The following MYOF variants were observed in gnomAD, a reference collection of about 807,000 sequenced individuals.
The protein encoded by MYOF is myoferlin.
A neutral mutation model predicts 284.2 loss-of-function variants in MYOF; 244 were observed. The ratio of observed to expected loss-of-function variants is 0.86; its 90% CI spans 0.77 to 0.95. The LOEUF is 0.95. Among genes scored for constraint, MYOF ranks in the 40% least tolerant of loss-of-function variants. MYOF has a pLI of 0.00. For missense variants in MYOF, 2,496 were observed against 2,560.6 expected (o/e 0.97, Z 0.54); for synonymous variants, 904 against 919.7 (o/e 0.98, Z 0.31).
At chr10:93,401,575 T>G in intron 11 of MYOF, 31 bp from the exon 12 acceptor site, 1 of 1,607,756 alleles carries the variant, frequency 6.2e-7, no homozygotes, top group Non-Finnish European at 8.5e-7. Flanking sequence ...AAATTATACA[T>G]ACAGAAAAGC....
intron 39 of MYOF, among the ~76,000 whole-genome samples, chr10:93,338,626 T>A (rs1028066250): frequency 2.0e-5 from 3 of 152,150 alleles, no homozygotes; most frequent in African/African-American, 7.2e-5. Flanking sequence ...GCAGGAGGCA[T>A]CATGGTTCAG....
chr10:93,388,512 C>A (rs1294221090), intron 18 of MYOF, among the ~76,000 whole-genome samples: 1 of 152,226 alleles, frequency 6.6e-6, no homozygotes, highest in African/African-American at 2.4e-5. Context: ...AGGGTCCCCA[C>A]CTCCACAGCC....
At position 93,397,225 on chromosome 10, in the gene MYOF, CACAT is replaced by C. The variant is rs1237183483; in HGVS notation, c.1334+18_1334+21del. On this transcript the variant is annotated intron_variant, in intron 15 of 53. Transcript: ENST00000359263. ...AATGTTTATTTTATGTTGAATTAGA[CACAT>C]ACGTATTTTCAACTCACCAGTCATA... 6.5e-7 allele frequency: 1 copy of C among 1,530,824 alleles called. No individual in the cohort carries two copies. Among genetic ancestry groups the C allele is most frequent in the Non-Finnish European group, 9.0e-7 (1 of 1,111,380 alleles). The allele number at this position is 1,530,824 out of a possible 1,614,324, so 94.8% of individuals were successfully genotyped here.
intron 44 of MYOF, 85 bp from the exon 45 acceptor site, chr10:93,328,996 A>C: frequency 7.1e-7 from 1 of 1,404,388 alleles, no homozygotes; most frequent in Non-Finnish European, 9.7e-7. Context: ...ATGTACTCTT[A>C]GGTGCTCCCA....
At chr10:93,401,347 A>C in intron 12 of MYOF, 71 bp downstream of exon 12, 1 of 1,578,650 alleles carries the variant, frequency 6.3e-7, no homozygotes, top group Non-Finnish European at 8.6e-7. Flanking sequence ...TCACTATTAA[A>C]GTTTGATTTT....
chr10:93,479,311 A>G (rs1157353966), intron 1 of MYOF, among the ~76,000 whole-genome samples: 1 of 151,938 alleles, frequency 6.6e-6, no homozygotes, highest in East Asian at 1.9e-4. Context: ...CCAGTTTACC[A>G]TACCCTGCCC....
intron 38 of MYOF, chr10:93,342,012 T>A (rs1843943042): frequency 8.1e-7 from 1 of 1,232,232 alleles, no homozygotes. Flanking sequence ...TGTACACATG[T>A]CCATGTTATC....
rs759182355 is a variant in MYOF, at chr10:93,379,945, A to G, written c.1919T>C (p.Val640Ala). 12 of 1,614,118 alleles carry G rather than the reference A, an allele frequency of 7.4e-6. No homozygotes were observed. The highest frequency in any genetic ancestry group is 2.2e-5 in the East Asian group (1 of 44,888). Reference protein sequence around the residue: ...YYLPWAHTKPVVTLTSYWEDI... With the variant: ...YYLPWAHTKPAVTLTSYWEDI... Reference sequence around the variant, plus strand: ...CTCCCAGTATGAAGTCAGGGTAACAACTGGCTTGGTGTGGGCCCAAGGCAA... The same window carrying G: ...CTCCCAGTATGAAGTCAGGGTAACAGCTGGCTTGGTGTGGGCCCAAGGCAA... The change falls in exon 21 of 54, where the codon GTT (valine) becomes GCT (alanine). Residue 640 changes from valine to alanine, a missense_variant. Val to Ala is a moderately conservative substitution (Grantham distance 64). Around this residue, in one of 3 missense-constraint regions of MYOF, gnomAD observed 2,436 missense variants for 2,480.7 expected, o/e 0.98. Transcript: ENST00000359263.
At chr10:93,465,533 C>CTTTTTTTTTTTTTT (rs753278804) in intron 1 of MYOF, among the ~76,000 whole-genome samples, 1 of 53,218 alleles carries the variant, frequency 1.9e-5, no homozygotes, top group Admixed American at 2.3e-4. Flanking sequence ...TCTTTTTTTT[C>CTTTTTTTTTTTTTT]TTTTCTTTTT....
Position 93,359,960 on chromosome 10 carries a change from G to C in MYOF, c.2993C>G (p.Thr998Ser). 1 of 1,614,178 alleles carries C rather than the reference G, an allele frequency of 6.2e-7. No homozygotes were observed. ...TTTGGGCTTATGATCAGGAGGAATG[G>C]TGATTCCATATTCCCAGCCTGGAAC... The part of the protein sequence containing the change: ...VDEKGWEYGI[T>S]IPPDHKPKSW... The change falls in exon 29 of 54, where the codon ACC becomes AGC. Residue 998 changes from threonine to serine, a missense_variant. Coordinates refer to ENST00000359263, the MANE Select transcript of MYOF (RefSeq NM_013451.4).
intron 46 of MYOF, 199 bp from the exon 47 acceptor site, chr10:93,323,557 T>C (rs1367284310): frequency 5.3e-6 from 3 of 568,902 alleles, no homozygotes; most frequent in Non-Finnish European, 9.2e-6. Flanking sequence ...CCACCCACTT[T>C]CCATTCTCAC....
At chr10:93,455,045 C>T (rs1209140645) in intron 2 of MYOF, among the ~76,000 whole-genome samples, 1 of 145,798 alleles carries the variant, frequency 6.9e-6, no homozygotes, top group Non-Finnish European at 1.5e-5. Flanking sequence ...CGTGTAATCC[C>T]AGGACTTTGG....
intron 20 of MYOF, among the ~76,000 whole-genome samples, chr10:93,380,890 T>C (rs558687155): frequency 2.6e-5 from 4 of 152,188 alleles, no homozygotes; most frequent in Non-Finnish European, 4.4e-5. Flanking sequence ...GATTTGGGGC[T>C]TCGTAGGGGT....
intron 38 of MYOF, 147 bp from the exon 39 acceptor site, chr10:93,340,311 T>C (rs1843839743): frequency 1.3e-6 from 1 of 746,908 alleles, no homozygotes; most frequent in Non-Finnish European, 2.2e-6. Context: ...TTCAATGGGC[T>C]AAATTATTTA....
rs780410462 is a variant in MYOF at position 93,359,997 on chromosome 10, A to G, written c.2975-19T>C. On this transcript the variant is annotated intron_variant, in intron 28 of 53. Transcript: ENST00000359263. ...TCCCAGCCTGGAACAGAGTTTGTGA[A>G]TGGTTACCCAGAAGAGATGCATTTG... 3.2e-5 allele frequency: 51 copies of G among 1,613,964 alleles called. No individual in the cohort carries two copies. The highest frequency in any genetic ancestry group is 3.8e-5 in the Non-Finnish European group (45 of 1,179,988).
chr10:93,357,484 G>A (rs1741273531), intron 29 of MYOF, among the ~76,000 whole-genome samples: 1 of 152,182 alleles, frequency 6.6e-6, no homozygotes. Flanking sequence ...GTTAGGGGCT[G>A]AGGACACAGT....
intron 12 of MYOF, among the ~76,000 whole-genome samples, chr10:93,400,326 CTTCTT>C (rs1361593000): frequency 7.5e-5 from 5 of 67,058 alleles, no homozygotes; most frequent in African/African-American, 8.0e-5. Flanking sequence ...TCTTCTTCTT[CTTCTT>C]TTTTTTTTTT....
In MYOF at chr10:93,377,448, G is replaced by A; in HGVS notation, c.2002-19C>T. ...TTGTTTGCTGAAGAATTTGAAAAGAGAGGAAATAATTGATAATTGTTCATT... is the reference window on the plus strand; with the variant it reads ...TTGTTTGCTGAAGAATTTGAAAAGAAAGGAAATAATTGATAATTGTTCATT... On this transcript the variant is annotated intron_variant, in intron 21 of 53. Coordinates refer to ENST00000359263, the MANE Select transcript of MYOF (RefSeq NM_013451.4). 6.5e-7 allele frequency: 1 copy of A among 1,544,264 alleles called. No homozygotes were observed. The highest frequency in any genetic ancestry group is 2.2e-5 in the East Asian group (1 of 44,518).
At chr10:93,373,955 C>T (rs1045546000) in intron 23 of MYOF, among the ~76,000 whole-genome samples, 2 of 152,150 alleles carry the variant, frequency 1.3e-5, no homozygotes, top group East Asian at 3.8e-4. Flanking sequence ...TGGTTTGCTG[C>T]ACCCATCAAC....
Sources: allele counts gnomAD v4.1 joint callset (sites outside exome capture counted in the v4.1 genomes callset), GRCh38; gene constraint gnomAD v4.1.1; regional missense constraint gnomAD v4.1.1; transcripts MANE v1.5; gene names NCBI Gene and HGNC (gene_info 2026-07-23, HGNC 2026-07-21).